MYLK: variants seen among roughly 807,000 people sequenced by gnomAD.
MYLK encodes the protein myosin light chain kinase, smooth muscle.
Under a neutral mutation model 203.4 loss-of-function variants are expected in MYLK, and 106 were observed. That is an observed-to-expected ratio of 0.52 (90% CI 0.45 to 0.61). The LOEUF (loss-of-function observed/expected upper bound fraction) is 0.61. MYLK is among the 20% of genes least tolerant of loss of function. The pLI, the probability that MYLK is intolerant of heterozygous loss-of-function variation, is 0.00. For missense variants in MYLK, 2,072 were observed against 2,442.3 expected (o/e 0.85, Z 3.20); for synonymous variants, 867 against 959.5 (o/e 0.90, Z 1.78).
intron 4 of MYLK, among the ~76,000 whole-genome samples, chr3:123,772,734 T>G (rs2063924660): frequency 6.6e-6 from 1 of 151,884 alleles, no homozygotes; most frequent in Non-Finnish European, 1.5e-5. Context: ...GAACAAGAAG[T>G]TTCTGAAGTA....
intron 11 of MYLK, among the ~76,000 whole-genome samples, chr3:123,728,483 G>T (rs1396799095): frequency 6.6e-6 from 1 of 152,002 alleles, no homozygotes; most frequent in African/African-American, 2.4e-5. Flanking sequence ...CTCCAGTCTG[G>T]GTGACAGAGC....
rs563132532 is a variant in MYLK, at chr3:123,615,821, G to C, written c.5501-1472C>G. On this transcript the variant is annotated intron_variant, in intron 33 of 33. Transcript: ENST00000360304. ...ACACCACCACACCCAGCTAATTTTCGTATTTTTTGTAGAGATAGGGTTTCA... is the reference window on the plus strand; with the variant it reads ...ACACCACCACACCCAGCTAATTTTCCTATTTTTTGTAGAGATAGGGTTTCA... Among the ~76,000 whole-genome samples, 57 of 151,122 alleles carry C rather than the reference G, an allele frequency of 3.8e-4. 1 individual carries two copies. Among genetic ancestry groups the C allele is most frequent in the African/African-American group, 7.8e-4 (32 of 41,084 alleles).
chr3:123,774,362 C>A (rs777648458), intron 4 of MYLK, among the ~76,000 whole-genome samples: 11 of 152,070 alleles, frequency 7.2e-5, no homozygotes, highest in East Asian at 3.9e-4. Context: ...TACTCCTCCC[C>A]CTGCTGTACA....
chr3:123,837,190 G>A (rs1257248069), intron 2 of MYLK, among the ~76,000 whole-genome samples: 2 of 152,050 alleles, frequency 1.3e-5, no homozygotes, highest in African/African-American at 4.8e-5. Context: ...GCACCACCAT[G>A]CCTGGCTAAT....
intron 4 of MYLK, among the ~76,000 whole-genome samples, chr3:123,768,068 A>G (rs2063762596): frequency 6.6e-6 from 1 of 152,182 alleles, no homozygotes; most frequent in Admixed American, 6.5e-5. Context: ...CACTCGGCTG[A>G]CACTGCTGTC....
intron 9 of MYLK, 41 bp from the exon 10 acceptor site, chr3:123,734,263 G>A (rs1331396546): frequency 2.7e-6 from 4 of 1,465,958 alleles, no homozygotes; most frequent in Non-Finnish European, 3.6e-6. Context: ...GGTGAGGAGA[G>A]GGGAGAATAG....
intron 23 of MYLK, among the ~76,000 whole-genome samples, chr3:123,657,779 T>C (rs1405140257): frequency 6.6e-6 from 1 of 152,228 alleles, no homozygotes; most frequent in African/African-American, 2.4e-5. Flanking sequence ...GACTATTTCC[T>C]ATCGAAAACA....
intron 3 of MYLK, among the ~76,000 whole-genome samples, chr3:123,813,603 C>T (rs549423105): frequency 3.3e-5 from 5 of 152,148 alleles, no homozygotes; most frequent in East Asian, 3.9e-4. Flanking sequence ...CTCTGCCTCC[C>T]GGGTTCAAGC....
At chr3:123,715,684 G>A (rs535512376) in intron 13 of MYLK, among the ~76,000 whole-genome samples, 7 of 152,128 alleles carry the variant, frequency 4.6e-5, no homozygotes, top group Non-Finnish European at 1.0e-4. Context: ...CCTGACACTA[G>A]GAACCCACTG....
chr3:123,822,291 G>C (rs1208954487), intron 3 of MYLK, among the ~76,000 whole-genome samples: 1 of 152,146 alleles, frequency 6.6e-6, no homozygotes, highest in Non-Finnish European at 1.5e-5. Flanking sequence ...GTCAAAAATG[G>C]CCAGACCCTC....
chr3:123,857,328 C>A (rs1475841171), intron 2 of MYLK, among the ~76,000 whole-genome samples: 17 of 152,148 alleles, frequency 1.1e-4, no homozygotes, highest in Admixed American at 2.0e-4. Flanking sequence ...AATCATGCTG[C>A]TATAAAGACA....
chr3:123,660,243 G>C (rs975290752), intron 23 of MYLK, among the ~76,000 whole-genome samples: 1 of 152,220 alleles, frequency 6.6e-6, no homozygotes, highest in South Asian at 2.1e-4. Context: ...GACTTTCCAG[G>C]CTATCAGGCA....
At chr3:123,633,187 G>A (rs1334215296) in intron 29 of MYLK, among the ~76,000 whole-genome samples, 2 of 151,938 alleles carry the variant, frequency 1.3e-5, no homozygotes, top group Admixed American at 6.6e-5. Flanking sequence ...ATACAGTGGC[G>A]TGATCATGGC....
chr3:123,667,596 TCTGTCTCAAAAAAAAA>T (rs1389353848), intron 20 of MYLK, among the ~76,000 whole-genome samples: 2 of 149,114 alleles, frequency 1.3e-5, no homozygotes, highest in Non-Finnish European at 3.0e-5. Context: ...AGAGTGAGAC[TCTGTCTCAAAAAAAAA>T]AAAAGAAAAA....
intron 3 of MYLK, among the ~76,000 whole-genome samples, chr3:123,824,772 T>C (rs7613757): frequency 0.15 from 22,091 of 152,212 alleles, 1,977 homozygotes; most frequent in South Asian, 0.21. Context: ...GAAGCATATG[T>C]AAATATAATT....
At chr3:123,744,269 C>T (rs372524014) in intron 5 of MYLK, among the ~76,000 whole-genome samples, 4 of 152,134 alleles carry the variant, frequency 2.6e-5, no homozygotes, top group African/African-American at 7.2e-5. Flanking sequence ...TTTCAATTTA[C>T]ATAAGTGCTC....
At chr3:123,858,969 T>G (rs1470024280) in intron 2 of MYLK, among the ~76,000 whole-genome samples, 2 of 152,232 alleles carry the variant, frequency 1.3e-5, no homozygotes, top group Non-Finnish European at 2.9e-5. Context: ...TTGTATTTAT[T>G]ATTGAAATTG....
chr3:123,741,153 T>G (rs61401481), intron 5 of MYLK, among the ~76,000 whole-genome samples: 6,890 of 152,186 alleles, frequency 0.045, 492 homozygotes, highest in African/African-American at 0.15. Context: ...TGCAGGGAGT[T>G]TACTGCAAAA....
chr3:123,733,472 C>T (rs2062559419), intron 10 of MYLK, among the ~76,000 whole-genome samples: 1 of 152,164 alleles, frequency 6.6e-6, no homozygotes, highest in Admixed American at 6.5e-5. Context: ...CAAGAGCAAA[C>T]AACAGGCTAC....
Sources: gnomAD v4.1 joint callset for allele counts (sites outside exome capture counted in the v4.1 genomes callset) on GRCh38, gnomAD v4.1.1 for gene constraint, MANE v1.5 for transcripts, NCBI Gene and HGNC (gene_info 2026-07-23, HGNC 2026-07-21) for gene names.